The following NKAIN2 variants were observed in gnomAD, a reference collection of about 807,000 sequenced individuals.
NKAIN2 encodes the protein sodium/potassium-transporting ATPase subunit beta-1-interacting protein 2.
A neutral mutation model predicts 32.6 loss-of-function variants in NKAIN2; 14 were observed. The observed-to-expected ratio is 0.43, with a 90% confidence interval of 0.28 to 0.67. The LOEUF (loss-of-function observed/expected upper bound fraction) is 0.67, where lower values mean the gene tolerates loss of function less well. Ranked by LOEUF, NKAIN2 falls within the 30% of genes least tolerant of loss-of-function variation. NKAIN2 has a pLI of 0.17. For missense variants in NKAIN2, 198 were observed against 258.3 expected (o/e 0.77, Z 1.60); for synonymous variants, 80 against 87.2 (o/e 0.92, Z 0.46).
chr6:124,265,027 A>G (rs1794426809), intron 1 of NKAIN2, among the ~76,000 whole-genome samples: 1 of 152,212 alleles, frequency 6.6e-6, no homozygotes, highest in South Asian at 2.1e-4. Context: ...ATATGGACAT[A>G]TAAGCTGTAT....
chr6:124,771,851 G>T (rs912365328), intron 4 of NKAIN2, among the ~76,000 whole-genome samples: 2 of 152,136 alleles, frequency 1.3e-5, no homozygotes, highest in African/African-American at 2.4e-5. Context: ...GAGTTCTCTA[G>T]GTGAATGCAG....
chr6:124,518,237 TAA>T (rs1203850487), intron 3 of NKAIN2, among the ~76,000 whole-genome samples: 1 of 142,942 alleles, frequency 7.0e-6, no homozygotes, highest in Non-Finnish European at 1.5e-5. Flanking sequence ...TGGCAATATA[TAA>T]AAGTTCATAA....
intron 4 of NKAIN2, among the ~76,000 whole-genome samples, chr6:124,746,658 T>TAAA (rs1777466663): frequency 2.0e-5 from 3 of 151,926 alleles, no homozygotes; most frequent in Admixed American, 2.0e-4. Flanking sequence ...TGGAATTATG[T>TAAA]ATGATTTTCA....
At chr6:124,447,837 C>T (rs777604795) in intron 3 of NKAIN2, among the ~76,000 whole-genome samples, 10 of 152,112 alleles carry the variant, frequency 6.6e-5, no homozygotes, top group Non-Finnish European at 1.2e-4. Flanking sequence ...CCACTCCTCA[C>T]CCTGTGGCAC....
At chr6:123,816,413 A>C (rs1448867222) in intron 1 of NKAIN2, among the ~76,000 whole-genome samples, 4 of 152,176 alleles carry the variant, frequency 2.6e-5, no homozygotes, top group Non-Finnish European at 5.9e-5. Context: ...GTTTGGAGCA[A>C]GCCCTGTGGG....
At chr6:124,439,039 A>G (rs544074879) in intron 3 of NKAIN2, among the ~76,000 whole-genome samples, 3 of 152,204 alleles carry the variant, frequency 2.0e-5, no homozygotes, top group East Asian at 1.9e-4. Context: ...CCAAAACTGT[A>G]TCTCAGGCAT....
At chr6:124,267,785 C>A (rs904245798) in intron 1 of NKAIN2, among the ~76,000 whole-genome samples, 1 of 152,050 alleles carries the variant, frequency 6.6e-6, no homozygotes, top group Non-Finnish European at 1.5e-5. Context: ...ATTAAGGACT[C>A]ATTTGTGTAT....
At chr6:124,631,620 G>A (rs1283701851) in intron 3 of NKAIN2, among the ~76,000 whole-genome samples, 2 of 152,162 alleles carry the variant, frequency 1.3e-5, no homozygotes, top group Admixed American at 1.3e-4. Context: ...CCAGGGAGCA[G>A]CTCTAATGCT....
chr6:124,665,451 A>T (rs1203739632), intron 4 of NKAIN2, among the ~76,000 whole-genome samples: 1 of 152,200 alleles, frequency 6.6e-6, no homozygotes, highest in Non-Finnish European at 1.5e-5. Context: ...CAAGTGTTTA[A>T]TTCTTTCCAA....
intron 4 of NKAIN2, among the ~76,000 whole-genome samples, chr6:124,763,189 G>C (rs1339113905): frequency 6.6e-6 from 1 of 152,198 alleles, no homozygotes; most frequent in African/African-American, 2.4e-5. Context: ...CTTTTAGTTA[G>C]ACAGAAGGAA....
chr6:124,801,945 C>A (rs990828679), intron 5 of NKAIN2, among the ~76,000 whole-genome samples: 12 of 152,180 alleles, frequency 7.9e-5, no homozygotes, highest in African/African-American at 2.7e-4. Context: ...ATCTTAAGTT[C>A]TTTTAATGAA....
chr6:123,957,303 C>T (rs943697342), intron 1 of NKAIN2, among the ~76,000 whole-genome samples: 2 of 152,082 alleles, frequency 1.3e-5, no homozygotes, highest in African/African-American at 2.4e-5. Flanking sequence ...ACTGAATCAC[C>T]ACCTCTTCTT....
intron 4 of NKAIN2, among the ~76,000 whole-genome samples, chr6:124,707,700 C>G (rs1775174537): frequency 6.6e-6 from 1 of 151,316 alleles, no homozygotes; most frequent in Admixed American, 6.6e-5. Flanking sequence ...TTGTTTTTTT[C>G]TTGTAAATTT....
intron 1 of NKAIN2, among the ~76,000 whole-genome samples, chr6:123,808,711 A>G (rs1562192073): frequency 1.3e-5 from 2 of 152,180 alleles, no homozygotes; most frequent in Non-Finnish European, 2.9e-5. Flanking sequence ...AGAGTGCCAG[A>G]GTCATCTCTG....
At chr6:124,736,493 C>T (rs1776947926) in intron 4 of NKAIN2, among the ~76,000 whole-genome samples, 1 of 151,906 alleles carries the variant, frequency 6.6e-6, no homozygotes, top group African/African-American at 2.4e-5. Context: ...CATAGCTAGA[C>T]AGAAGTCAAT....
intron 3 of NKAIN2, among the ~76,000 whole-genome samples, chr6:124,501,477 G>C (rs1778289770): frequency 6.6e-6 from 1 of 152,208 alleles, no homozygotes; most frequent in South Asian, 2.1e-4. Context: ...ATTTCGCGGT[G>C]TTAATGGATT....
At chr6:124,000,093 A>G (rs940728963) in intron 1 of NKAIN2, among the ~76,000 whole-genome samples, 4 of 152,132 alleles carry the variant, frequency 2.6e-5, no homozygotes, top group African/African-American at 4.8e-5. Context: ...CAAAACAACC[A>G]AATACTCTGT....
intron 1 of NKAIN2, among the ~76,000 whole-genome samples, chr6:124,064,904 G>A (rs1194562092): frequency 6.6e-6 from 1 of 152,064 alleles, no homozygotes; most frequent in Non-Finnish European, 1.5e-5. Context: ...TGGGTTATCT[G>A]CCTGGTTTCA....
At chr6:124,561,200 C>T (rs1780679645) in intron 3 of NKAIN2, among the ~76,000 whole-genome samples, 2 of 152,162 alleles carry the variant, frequency 1.3e-5, no homozygotes, top group African/African-American at 4.8e-5. Flanking sequence ...CAGATGCCTA[C>T]AATACAAAAA....
Sources: gnomAD v4.1 joint callset for allele counts (sites outside exome capture counted in the v4.1 genomes callset) on GRCh38, gnomAD v4.1.1 for gene constraint, MANE v1.5 for transcripts, NCBI Gene and HGNC (gene_info 2026-07-23, HGNC 2026-07-21) for gene names.